The following MEIKIN variants were observed in gnomAD, a reference collection of about 807,000 sequenced individuals.
MEIKIN encodes meiotic kinetochore factor.
At chr5:131,881,255 G>A (rs145336782) in intron 8 of MEIKIN, among the ~76,000 whole-genome samples, 7 of 152,288 alleles carry the variant, frequency 4.6e-5, no homozygotes, top group Non-Finnish European at 1.0e-4. Flanking sequence ...ACAATTGTTA[G>A]TCCTCAATCC....
chr5:131,943,111 T>G (rs1194124145), intron 3 of MEIKIN, among the ~76,000 whole-genome samples: 1 of 152,034 alleles, frequency 6.6e-6, no homozygotes, highest in Non-Finnish European at 1.5e-5. Context: ...TATGGAAATA[T>G]TGGTTATATA....
At chr5:131,873,800 G>C (rs1327684440) in intron 9 of MEIKIN, among the ~76,000 whole-genome samples, 3 of 152,176 alleles carry the variant, frequency 2.0e-5, no homozygotes, top group African/African-American at 7.2e-5. Flanking sequence ...CTGTCTCTCA[G>C]ACCACAGTGC....
chr5:131,944,525 G>C (rs529905856), intron 3 of MEIKIN, 140 bp downstream of exon 3: 16 of 394,646 alleles, frequency 4.1e-5, no homozygotes, highest in South Asian at 1.4e-4. Flanking sequence ...CTAAAGACAC[G>C]TAAGTGTTTA....
At chr5:131,912,780 G>A (rs1464720903) in intron 7 of MEIKIN, among the ~76,000 whole-genome samples, 2 of 152,054 alleles carry the variant, frequency 1.3e-5, no homozygotes, top group Non-Finnish European at 2.9e-5. Flanking sequence ...GTAACAAAAA[G>A]TTCAGTGTAA....
At chr5:131,868,263 TTAG>T (rs984652733) in intron 9 of MEIKIN, among the ~76,000 whole-genome samples, 2 of 152,186 alleles carry the variant, frequency 1.3e-5, no homozygotes, top group Admixed American at 6.5e-5. Flanking sequence ...CTAATATTTT[TTAG>T]TAGAGACAGG....
At chr5:131,923,053 G>A (rs779285291) in intron 5 of MEIKIN, among the ~76,000 whole-genome samples, 8 of 152,072 alleles carry the variant, frequency 5.3e-5, no homozygotes, top group Admixed American at 2.0e-4. Flanking sequence ...CACCACACCC[G>A]GCTAATATTT....
intron 11 of MEIKIN, among the ~76,000 whole-genome samples, chr5:131,826,086 CTTT>C (rs35951729): frequency 1.4e-4 from 18 of 124,958 alleles, no homozygotes; most frequent in Non-Finnish European, 2.5e-4. Flanking sequence ...TTCTTGTTTT[CTTT>C]TTTTTTTTTT....
intron 11 of MEIKIN, among the ~76,000 whole-genome samples, chr5:131,841,645 G>A (rs1173027812): frequency 6.6e-6 from 1 of 152,130 alleles, no homozygotes; most frequent in Non-Finnish European, 1.5e-5. Context: ...TGGGAATCTG[G>A]ATAATGATTG....
chr5:131,831,061 C>T (rs1175048126), intron 11 of MEIKIN, among the ~76,000 whole-genome samples: 1 of 152,092 alleles, frequency 6.6e-6, no homozygotes, highest in Non-Finnish European at 1.5e-5. Flanking sequence ...TTGCACCTGG[C>T]TAATTTTTGT....
chr5:131,885,470 A>G (rs1478945999), intron 8 of MEIKIN, among the ~76,000 whole-genome samples: 1 of 151,010 alleles, frequency 6.6e-6, no homozygotes, highest in Non-Finnish European at 1.5e-5. Context: ...GGAAAAGAAA[A>G]AGAGTCTCTG....
chr5:131,907,347 G>A (rs536355208), intron 8 of MEIKIN, among the ~76,000 whole-genome samples: 105 of 150,424 alleles, frequency 7.0e-4, no homozygotes, highest in South Asian at 2.5e-3. Context: ...AAATGAATTC[G>A]AAAACAATAC....
At chr5:131,839,645 G>GT in intron 11 of MEIKIN, among the ~76,000 whole-genome samples, 1 of 152,220 alleles carries the variant, frequency 6.6e-6, no homozygotes, top group Middle Eastern at 3.4e-3. Flanking sequence ...TTTATTATCT[G>GT]TTTTGTCAGA....
intron 8 of MEIKIN, among the ~76,000 whole-genome samples, chr5:131,896,853 T>C (rs1751061778): frequency 6.6e-6 from 1 of 152,252 alleles, no homozygotes; most frequent in Non-Finnish European, 1.5e-5. Context: ...AATCTGTGTC[T>C]TTTAATTGGG....
intron 8 of MEIKIN, among the ~76,000 whole-genome samples, chr5:131,894,163 C>T (rs1257678535): frequency 6.6e-6 from 1 of 152,142 alleles, no homozygotes; most frequent in Non-Finnish European, 1.5e-5. Context: ...GGAATCCTTT[C>T]CCCATTGCTT....
chr5:131,908,710 C>G (rs1751285246), intron 8 of MEIKIN, among the ~76,000 whole-genome samples: 1 of 152,108 alleles, frequency 6.6e-6, no homozygotes, highest in Admixed American at 6.6e-5. Context: ...ACTAGTAGAA[C>G]TGATAAATAA....
At chr5:131,892,794 A>G (rs1750953266) in intron 8 of MEIKIN, among the ~76,000 whole-genome samples, 1 of 152,080 alleles carries the variant, frequency 6.6e-6, no homozygotes, top group South Asian at 2.1e-4. Flanking sequence ...AGGTGCTCTG[A>G]TTTTTAGAGT....
chr5:131,820,218 T>G (rs532915034), intron 11 of MEIKIN, among the ~76,000 whole-genome samples: 1 of 151,854 alleles, frequency 6.6e-6, no homozygotes, highest in East Asian at 1.9e-4. Context: ...ATTACAGGTG[T>G]GTGCCACCAC....
chr5:131,868,477 T>C (rs941549771), intron 9 of MEIKIN, among the ~76,000 whole-genome samples: 4 of 152,266 alleles, frequency 2.6e-5, no homozygotes, highest in African/African-American at 9.6e-5. Context: ...ATATCTTCTT[T>C]AGTGAGGTGT....
intron 11 of MEIKIN, among the ~76,000 whole-genome samples, chr5:131,826,006 A>AT (rs1345205729): frequency 6.6e-6 from 1 of 152,140 alleles, no homozygotes; most frequent in African/African-American, 2.4e-5. Context: ...AATTAAAGGC[A>AT]TTTTTTAAAA....
Sources: allele counts gnomAD v4.1 joint callset (sites outside exome capture counted in the v4.1 genomes callset), GRCh38; gene constraint gnomAD v4.1.1; transcripts MANE v1.5; gene names NCBI Gene and HGNC (gene_info 2026-07-23, HGNC 2026-07-21).